The following VPS26C variants were observed in gnomAD, a reference collection of about 807,000 sequenced individuals.
VPS26C encodes vacuolar protein sorting-associated protein 26C.
A neutral mutation model predicts 30.6 loss-of-function variants in VPS26C; 19 were observed. That is an observed-to-expected ratio of 0.62 (90% CI 0.43 to 0.91). VPS26C has a LOEUF of 0.91. VPS26C is among the 40% of genes least tolerant of loss of function. The probability of loss-of-function intolerance (pLI) is 0.00; values close to 1 mark genes in which losing one functional copy is unlikely to be tolerated. For missense variants in VPS26C, 318 were observed against 385.1 expected (o/e 0.83, Z 1.46); for synonymous variants, 132 against 151.5 (o/e 0.87, Z 0.95).
chr21:37,237,485 T>C (rs748904782), intron 3 of VPS26C: 3 of 152,242 alleles, frequency 2.0e-5, no homozygotes, highest in Non-Finnish European at 4.4e-5. Context: ...GGTATCTGCA[T>C]GGCTACGTAC....
At chr21:37,243,118 A>G (rs1297857006) in intron 1 of VPS26C, among the ~76,000 whole-genome samples, 1 of 152,178 alleles carries the variant, frequency 6.6e-6, no homozygotes, top group African/African-American at 2.4e-5. Flanking sequence ...GCAGAGGAAG[A>G]TAGGATACAC....
At chr21:37,246,846 C>T (rs558450652) in intron 1 of VPS26C, among the ~76,000 whole-genome samples, 1 of 152,318 alleles carries the variant, frequency 6.6e-6, no homozygotes, top group South Asian at 2.1e-4. Flanking sequence ...CAACCTCCAC[C>T]TCCCAGGCTC....
In VPS26C at chr21:37,228,240, A is replaced by G. The variant is rs753416452; in HGVS notation, c.641T>C (p.Val214Ala). Reference protein sequence around the residue: ...AAIRSVELQLVRVETCGCAEG... With the variant: ...AAIRSVELQLARVETCGCAEG... Reference sequence around the variant, plus strand: ...GCCCTCACCGCACGTCTCCACGCGCACCAGCTGCAGCTCCACGCTTCTGAT... The same window carrying G: ...GCCCTCACCGCACGTCTCCACGCGCGCCAGCTGCAGCTCCACGCTTCTGAT... Residue 214 changes from valine to alanine, a missense_variant, in exon 6 of 8, where the codon GTG becomes GCG. Transcript: ENST00000309117. 1.2e-6 allele frequency: 2 copies of G among 1,613,092 alleles called. No individual in the cohort carries two copies. Among genetic ancestry groups the G allele is most frequent in the East Asian group, 2.2e-5 (1 of 44,888 alleles).
intron 3 of VPS26C, among the ~76,000 whole-genome samples, chr21:37,234,698 GCTAATATTCGTATGAACAA>G (rs752155777): frequency 3.3e-5 from 5 of 152,042 alleles, no homozygotes; most frequent in Middle Eastern, 3.2e-3. Flanking sequence ...CTTCCAAGAA[GCTAATATTCGTATGAACAA>G]CCTGTCCGCA....
chr21:37,253,966 A>G (rs1282574548), intron 1 of VPS26C, among the ~76,000 whole-genome samples: 1 of 152,218 alleles, frequency 6.6e-6, no homozygotes, highest in Non-Finnish European at 1.5e-5. Flanking sequence ...TAACATTCCA[A>G]CTTGTAGGTT....
intron 3 of VPS26C, among the ~76,000 whole-genome samples, chr21:37,234,986 G>A: frequency 2.2e-4 from 1 of 4,450 alleles, no homozygotes; most frequent in African/African-American, 6.8e-4. Context: ...GGAATTACAG[G>A]GGCCGCGCCA....
chr21:37,243,471 G>A (rs1054514640), intron 1 of VPS26C, among the ~76,000 whole-genome samples: 1 of 152,196 alleles, frequency 6.6e-6, no homozygotes, highest in Non-Finnish European at 1.5e-5. Context: ...CCCGTGTGGT[G>A]TGCGTGCTCA....
At chr21:37,225,704 C>T in intron 7 of VPS26C, 78 bp from the exon 8 acceptor site, 2 of 1,268,800 alleles carry the variant, frequency 1.6e-6, no homozygotes, top group African/African-American at 1.5e-5. Flanking sequence ...ACTGCAGTCG[C>T]AGGAAGCTCT....
chr21:37,265,994 T>C (rs1362815507), intron 1 of VPS26C, among the ~76,000 whole-genome samples: 2 of 143,216 alleles, frequency 1.4e-5, no homozygotes, highest in Admixed American at 7.3e-5. Context: ...CTCGTCTCAC[T>C]GCAGCCTCCG....
chr21:37,262,503 T>C (rs2086315158), intron 1 of VPS26C, among the ~76,000 whole-genome samples: 1 of 152,210 alleles, frequency 6.6e-6, no homozygotes, highest in South Asian at 2.1e-4. Context: ...TCTACTAACC[T>C]GTAACCCTCA....
At position 37,257,779 on chromosome 21, in the gene VPS26C, G is replaced by A. The variant is rs889819170; in HGVS notation, c.57+9459C>T. Among the ~76,000 whole-genome samples the A allele has an allele frequency of 2.6e-5, 4 of 152,186 alleles. No homozygotes were observed. Among genetic ancestry groups the A allele is most frequent in the Admixed American group, 6.5e-5 (1 of 15,272 alleles). On this transcript the variant is annotated intron_variant, in intron 1 of 7. Coordinates refer to ENST00000309117, the MANE Select transcript of VPS26C (RefSeq NM_006052.2). This position sits in a 1 kb window ranked among gnomAD's most constrained non-coding sequence, Gnocchi z 4.2. Reference sequence around the variant, plus strand: ...AGGGTACCAGAGGCGTGGGAGGACGGGGACAAAGGGGCAGCAAGGGACCGG... The same window carrying A: ...AGGGTACCAGAGGCGTGGGAGGACGAGGACAAAGGGGCAGCAAGGGACCGG...
chr21:37,232,509 A>G lies in VPS26C; in HGVS notation c.433-58T>C, dbSNP rs1055736611. On this transcript the variant is annotated intron_variant, in intron 4 of 7. Coordinates refer to ENST00000309117, the MANE Select transcript of VPS26C (RefSeq NM_006052.2). ...TGAAGGCCAAGAGTTCTGCAGGTCAAATAGCTTTTCCCTTTCAAAAATAAA... is the reference window on the plus strand; with the variant it reads ...TGAAGGCCAAGAGTTCTGCAGGTCAGATAGCTTTTCCCTTTCAAAAATAAA... The G allele has an allele frequency of 3.9e-5, 56 of 1,434,308 alleles. No individual in the cohort carries two copies. In the East Asian group the frequency reaches 1.2e-3, roughly 31 times the overall value. The allele number at this position is 1,434,308 out of a possible 1,614,324, so 88.8% of individuals were successfully genotyped here.
rs1295300007 is a variant in VPS26C, at chr21:37,257,537, C to CTGTATAACTGTATA, written c.57+9700_57+9701insTATACAGTTATACA. Reference sequence around the variant, plus strand: ...GGGGTGTAGCCACATGCAGTAAAAGCACTGCCTGTCTGTATAACAACGACC... The same window carrying CTGTATAACTGTATA: ...GGGGTGTAGCCACATGCAGTAAAAGCTGTATAACTGTATAACTGCCTGTCTGTATAACAACGACC... On this transcript the variant is annotated intron_variant, in intron 1 of 7. Coordinates refer to ENST00000309117, the MANE Select transcript of VPS26C (RefSeq NM_006052.2). This position sits in a 1 kb window ranked among gnomAD's most constrained non-coding sequence, Gnocchi z 4.2. Among the ~76,000 whole-genome samples the CTGTATAACTGTATA allele has an allele frequency of 2.0e-5, 3 of 152,222 alleles. No homozygotes were observed. The highest frequency in any genetic ancestry group is 7.2e-5 in the African/African-American group (3 of 41,450).
In VPS26C at chr21:37,267,224, C is replaced by CCCCCCCCCCAA. The variant is rs2148316391; in HGVS notation, c.57+13_57+14insTTGGGGGGGGG. ...CCAACCCCACCTCCATCCCCACCCC[C>CCCCCCCCCCAA]AGCCCCCACTTACCCCGGCGTGATA... is the stretch of plus-strand genomic sequence containing the variant. On this transcript the variant is annotated intron_variant, in intron 1 of 7. Transcript: ENST00000309117. 2 of 1,541,518 alleles carry CCCCCCCCCCAA rather than the reference C, an allele frequency of 1.3e-6. No homozygotes were observed. The highest frequency in any genetic ancestry group is 1.8e-6 in the Non-Finnish European group (2 of 1,118,002).
chr21:37,264,298 G>A (rs1258370255), intron 1 of VPS26C, among the ~76,000 whole-genome samples: 3 of 152,170 alleles, frequency 2.0e-5, no homozygotes, highest in Non-Finnish European at 2.9e-5. Flanking sequence ...GCTGCCTTCA[G>A]CCATCAATTG....
chr21:37,237,375 G>A (rs1396176604), intron 3 of VPS26C: 1 of 152,180 alleles, frequency 6.6e-6, no homozygotes, highest in Non-Finnish European at 1.5e-5. Context: ...GATATCTTCA[G>A]TATTGCCAAA....
intron 4 of VPS26C, 85 bp from the exon 5 acceptor site, chr21:37,232,536 C>G: frequency 8.5e-7 from 1 of 1,170,832 alleles, no homozygotes; most frequent in Non-Finnish European, 1.3e-6. Flanking sequence ...AAAAATAAAC[C>G]AACGGCAGCC....
chr21:37,230,706 A>C (rs1296356360), intron 5 of VPS26C: 2 of 152,354 alleles, frequency 1.3e-5, no homozygotes, highest in Non-Finnish European at 2.9e-5. Flanking sequence ...CAGAAAGTGG[A>C]CAGACAATCC....
intron 1 of VPS26C, among the ~76,000 whole-genome samples, chr21:37,250,025 C>A (rs960428924): frequency 6.6e-6 from 1 of 152,144 alleles, no homozygotes; most frequent in Non-Finnish European, 1.5e-5. Context: ...TAAGTTGGGC[C>A]GGGCAGGGTG....
Sources: gnomAD v4.1 joint callset for allele counts (sites outside exome capture counted in the v4.1 genomes callset) on GRCh38, gnomAD v4.1.1 for gene constraint, Gnocchi (gnomAD v3.1) non-coding constraint, MANE v1.5 for transcripts, NCBI Gene and HGNC (gene_info 2026-07-23, HGNC 2026-07-21) for gene names.